Variants in CES5A observed in about 807,000 individuals in gnomAD.
CES5A encodes carboxylesterase 5A, also known as carboxylesterase 5.
CES5A carries 67 observed loss-of-function variants against 62.9 expected under a neutral mutation model. The observed-to-expected ratio is 1.07, with a 90% confidence interval of 0.88 to 1.31. The LOEUF (loss-of-function observed/expected upper bound fraction) is 1.31, where lower values mean the gene tolerates loss of function less well. CES5A is among the 50% of genes most tolerant of loss of function. The pLI is 0.00. For missense variants in CES5A, 748 were observed against 708.5 expected (o/e 1.06, Z -0.63); for synonymous variants, 296 against 280.8 (o/e 1.05, Z -0.54).
At chr16:55,899,469 T>C (rs1340708330) in intron 1 of CES5A, among the ~76,000 whole-genome samples, 1 of 152,160 alleles carries the variant, frequency 6.6e-6, no homozygotes, top group Non-Finnish European at 1.5e-5. Flanking sequence ...TGGATTCACA[T>C]GGTAGTGTTG....
chr16:55,866,193 G>A, intron 4 of CES5A, 77 bp from the exon 5 acceptor site: 1 of 1,467,902 alleles, frequency 6.8e-7, no homozygotes, highest in South Asian at 1.3e-5. Context: ...TCTCAGCAGA[G>A]GCTGTGGGCA....
At chr16:55,946,975 C>A (rs539413140) in intron 2 of CES5A, among the ~76,000 whole-genome samples, 112 of 152,272 alleles carry the variant, frequency 7.4e-4, no homozygotes, top group Middle Eastern at 6.8e-3. Flanking sequence ...TCCCATTGAC[C>A]AGAGCAAAGG....
chr16:55,864,020 A>T (rs2033407084), intron 5 of CES5A, among the ~76,000 whole-genome samples: 1 of 152,150 alleles, frequency 6.6e-6, no homozygotes, highest in Non-Finnish European at 1.5e-5. Context: ...TGCTGGGATG[A>T]CAGGCGTGAG....
chr16:55,851,531 C>T (rs1486257971), intron 10 of CES5A, among the ~76,000 whole-genome samples: 1 of 152,032 alleles, frequency 6.6e-6, no homozygotes, highest in Non-Finnish European at 1.5e-5. Flanking sequence ...GAAATTGCAC[C>T]CCTTGTGCAT....
chr16:55,846,458 G>C lies in CES5A; in HGVS notation c.1721C>G (p.Ala574Gly). 1 of 1,612,012 alleles carries C rather than the reference G, an allele frequency of 6.2e-7. No individual in the cohort carries two copies. The change falls in exon 13 of 13, where the codon GCT becomes GGT. Residue 574 changes from alanine (A) to glycine (G), a missense_variant. Coordinates refer to ENST00000290567, the MANE Select transcript of CES5A (RefSeq NM_001143685.2). ...SLLQPFFFFC[A>G]P ...TCACAGAAAGATAACTTCTCAAGGA[G>C]CACAAAAGAAAAAGAAAGGCTGGAG...
intron 1 of CES5A, among the ~76,000 whole-genome samples, chr16:55,913,271 G>T (rs1234403893): frequency 6.6e-6 from 1 of 152,090 alleles, no homozygotes; most frequent in East Asian, 1.9e-4. Context: ...GGGTGCAATG[G>T]CAGAACTGGT....
In CES5A at chr16:55,846,461, CAAA is replaced by C. The variant is rs1428385669; in HGVS notation, c.1715_1717del (p.Phe572del). On this transcript the variant is annotated inframe_deletion, in exon 13 of 13. Transcript: ENST00000290567. ...CAGAAAGATAACTTCTCAAGGAGCA[CAAA>C]AGAAAAAGAAAGGCTGGAGGAGAGA... The C allele has an allele frequency of 6.2e-6, 10 of 1,612,902 alleles. No homozygotes were observed. The highest frequency in any genetic ancestry group is 7.6e-6 in the Non-Finnish European group (9 of 1,179,186).
At chr16:55,944,964 C>T (rs926141615) in intron 2 of CES5A, among the ~76,000 whole-genome samples, 1 of 152,214 alleles carries the variant, frequency 6.6e-6, no homozygotes, top group Admixed American at 6.5e-5. Flanking sequence ...TACATGAGTT[C>T]AAATCCGCCT....
upstream of CES5A, among the ~76,000 whole-genome samples, chr16:55,928,824 A>C (rs1414176122): frequency 6.6e-6 from 1 of 152,054 alleles, no homozygotes; most frequent in African/African-American, 2.4e-5. Flanking sequence ...CCTTTCCCCC[A>C]TCCCCTGCTG....
At chr16:55,874,852 G>C (rs1415601514) in intron 1 of CES5A, among the ~76,000 whole-genome samples, 1 of 152,184 alleles carries the variant, frequency 6.6e-6, no homozygotes, top group Non-Finnish European at 1.5e-5. Context: ...CAGGAGTGCA[G>C]AAGCACAGGC....
intron 9 of CES5A, among the ~76,000 whole-genome samples, chr16:55,854,963 A>G (rs1207548196): frequency 6.6e-6 from 1 of 152,182 alleles, no homozygotes; most frequent in African/African-American, 2.4e-5. Context: ...GCCAACCCTC[A>G]GCTGATCTCT....
intron 10 of CES5A, among the ~76,000 whole-genome samples, chr16:55,850,420 T>C (rs1251110917): frequency 6.6e-6 from 1 of 152,226 alleles, no homozygotes; most frequent in Non-Finnish European, 1.5e-5. Flanking sequence ...ACAATTCTAC[T>C]TTCTGTGTCT....
rs768269547 is a variant in CES5A, at chr16:55,871,667, G to A, written c.375C>T (p.Asn125=). The A allele has an allele frequency of 1.2e-6, 2 of 1,614,150 alleles. No individual in the cohort carries two copies. The highest frequency in any genetic ancestry group is 2.2e-5 in the East Asian group (1 of 44,868). ...TATCGGCGTGGGCAGGCGCATAGATGTTCAGGTAGAGGCAGTCTTCTGACA... is the reference window on the plus strand; with the variant it reads ...TATCGGCGTGGGCAGGCGCATAGATATTCAGGTAGAGGCAGTCTTCTGACA... ...FGVSEDCLYL[N]IYAPAHADTG... The change falls in exon 3 of 13, where the codon AAC becomes AAT. Residue 125 remains asparagine (N), a synonymous_variant. Coordinates refer to ENST00000290567, the MANE Select transcript of CES5A (RefSeq NM_001143685.2).
intron 1 of CES5A, among the ~76,000 whole-genome samples, chr16:55,953,084 A>C (rs1183460994): frequency 1.3e-5 from 2 of 152,194 alleles, no homozygotes; most frequent in African/African-American, 4.8e-5. Flanking sequence ...TTAGAAAGCA[A>C]TTGATGTTCC....
In CES5A at chr16:55,943,941, C is replaced by G. The variant is rs571682750; in HGVS notation, c.160+5844G>C. On this transcript the variant is annotated intron_variant, in intron 2 of 13. Transcript: ENST00000521992. ...GGTCTAGAGCTGAAGGGGCAGTATT[C>G]ATCTTCTTCTGAAACCTCCCATATG... 1.6e-5 allele frequency: 11 copies of G among 682,492 alleles called. No individual in the cohort carries two copies. The Admixed American group carries it at 2.1e-4, about 13-fold the overall frequency. The allele number at this position is 682,492 out of a possible 1,614,324, so 42.3% of individuals were successfully genotyped here. A position where few individuals can be genotyped will look rare whatever the true frequency, so the allele number is the denominator to read the frequency against.
At chr16:55,904,023 A>AAAT (rs1279866325) in intron 1 of CES5A, among the ~76,000 whole-genome samples, 1 of 152,228 alleles carries the variant, frequency 6.6e-6, no homozygotes, top group Non-Finnish European at 1.5e-5. Flanking sequence ...AAATAAGGAG[A>AAAT]AATAGAAAAC....
At chr16:55,889,319 G>T (rs1355781135) in intron 1 of CES5A, among the ~76,000 whole-genome samples, 1 of 152,078 alleles carries the variant, frequency 6.6e-6, no homozygotes, top group South Asian at 2.1e-4. Flanking sequence ...AATCCCACAG[G>T]TTGGGGGCTC....
chr16:55,950,013 A>C (rs2142487095), intron 1 of CES5A: 1 of 397,924 alleles, frequency 2.5e-6, no homozygotes, highest in Non-Finnish European at 4.0e-6. Context: ...ACATATAATA[A>C]TAAAAATCCA....
intron 1 of CES5A, among the ~76,000 whole-genome samples, chr16:55,881,883 A>T (rs550922623): frequency 3.3e-5 from 5 of 152,342 alleles, no homozygotes; most frequent in Admixed American, 3.3e-4. Context: ...CTGCATAACC[A>T]GAGGTAAGGT....
Sources: allele counts gnomAD v4.1 joint callset (sites outside exome capture counted in the v4.1 genomes callset), GRCh38; gene constraint gnomAD v4.1.1; transcripts MANE v1.5; gene names NCBI Gene and HGNC (gene_info 2026-07-23, HGNC 2026-07-21).